BZW1: variants seen among roughly 807,000 people sequenced by gnomAD.
The protein encoded by BZW1 is eIF5-mimic protein 2.
A neutral mutation model predicts 54.1 loss-of-function variants in BZW1; 3 were observed. The observed-to-expected ratio is 0.06, with a 90% CI of 0.03 to 0.14. The LOEUF is 0.14. Ranked by LOEUF, BZW1 falls within the 10% of genes least tolerant of loss-of-function variation. The pLI is 1.00. For synonymous variants in BZW1, 152 were observed against 162.7 expected (o/e 0.93, Z 0.50); for missense variants, 206 against 491.7 (o/e 0.42, Z 5.50).
Position 200,826,410 on chromosome 2 carries a change from T to TAGATAGATAGATAGA in BZW1, c.*4232_*4233insAGATAGATAGATAGA, listed in dbSNP as rs1559318421. 3.6e-5 allele frequency: 2 copies of TAGATAGATAGATAGA among 55,950 alleles called. No homozygotes were observed. The highest frequency in any genetic ancestry group is 7.4e-4 in the East Asian group (1 of 1,358). The allele number at this position is 55,950 out of a possible 1,614,324, so 3.5% of individuals were successfully genotyped here. ...ATAGATAGATAGATAGATAGATATTTTTTTTTTTTTTTTTTTTTTTTTTTT... is the reference window on the plus strand; with the variant it reads ...ATAGATAGATAGATAGATAGATATTTAGATAGATAGATAGATTTTTTTTTTTTTTTTTTTTTTTTT... On this transcript the variant is annotated 3_prime_UTR_variant, in exon 12 of 12. Transcript: ENST00000409600.
chr2:200,819,940 T>C (rs1293121746), intron 9 of BZW1, 42 bp from the exon 10 acceptor site: 2 of 1,453,554 alleles, frequency 1.4e-6, no homozygotes, highest in African/African-American at 2.9e-5. Context: ...TGGATGGTTA[T>C]TTGTAATGAA....
In BZW1 at chr2:200,815,528, G is replaced by A. The variant is rs777716302; in HGVS notation, c.241+11G>A. 4.3e-6 allele frequency: 7 copies of A among 1,613,164 alleles called. No homozygotes were observed. Among genetic ancestry groups the A allele is most frequent in the African/African-American group, 2.7e-5 (2 of 74,892 alleles). On this transcript the variant is annotated intron_variant, in intron 3 of 11. Coordinates refer to ENST00000409600, the MANE Select transcript of BZW1 (RefSeq NM_001207067.2). ...CTGGTGGAATGCTGGGTAAGTGTCT[G>A]TGGTTTGTGGGCTTAATAATTTAGA...
At chr2:200,821,803 G>A (rs921366289) in intron 11 of BZW1, among the ~76,000 whole-genome samples, 1 of 152,180 alleles carries the variant, frequency 6.6e-6, no homozygotes, top group Non-Finnish European at 1.5e-5. Context: ...GGGTGTGGTG[G>A]CTCACGCCTG....
Position 200,823,758 on chromosome 2 carries a change from G to A in BZW1, c.*1580G>A, listed in dbSNP as rs1026946475. The stretch of plus-strand genomic sequence containing the variant: ...CAAAATGTATTCACTAGATTTCTAC[G>A]TAGTGATCTGCTTTTACTTTGTAAT... On this transcript the variant is annotated 3_prime_UTR_variant, in exon 12 of 12. Transcript: ENST00000409600. 3 of 151,774 alleles carry A rather than the reference G, an allele frequency of 2.0e-5. No homozygotes were observed. The highest frequency in any genetic ancestry group is 6.6e-5 in the Admixed American group (1 of 15,188). The allele number at this position is 151,774 out of a possible 1,614,324, so 9.4% of individuals were successfully genotyped here. A position where few individuals can be genotyped will look rare whatever the true frequency, so the allele number is the denominator to read the frequency against.
chr2:200,822,238 A>G lies in BZW1; in HGVS notation c.*60A>G, dbSNP rs2038555301. The G allele has an allele frequency of 2.8e-6, 4 of 1,435,632 alleles. No homozygotes were observed. Among genetic ancestry groups the G allele is most frequent in the South Asian group, 2.4e-5 (2 of 82,694 alleles). 88.9% of individuals were successfully genotyped at this position (1,435,632 alleles called of 1,614,324 possible). A position where few individuals can be genotyped will look rare whatever the true frequency, so the allele number is the denominator to read the frequency against. On this transcript the variant is annotated 3_prime_UTR_variant, in exon 12 of 12. Transcript: ENST00000409600. ...AGTTGTAGATAAAATGTCATGTCTC[A>G]TGTGTCCTGGTTCTTACATCTTCCT...
Position 200,812,008 on chromosome 2 carries a change from G to A in BZW1, c.-11+18G>A, listed in dbSNP as rs1423385520. 5.2e-6 allele frequency: 2 copies of A among 381,726 alleles called. No individual in the cohort carries two copies. Among genetic ancestry groups the A allele is most frequent in the Non-Finnish European group, 9.2e-6 (2 of 216,730 alleles). The allele number at this position is 381,726 out of a possible 1,614,324, so 23.6% of individuals were successfully genotyped here. ...TAAATTCGGTGAGACGCGGCGCCCC[G>A]CTCACCCCGGGCGGACGCTGCGGGT... On this transcript the variant is annotated intron_variant, in intron 1 of 11. Transcript: ENST00000409600.
chr2:200,816,628 A>G (rs1336375604), intron 5 of BZW1, among the ~76,000 whole-genome samples: 1 of 152,058 alleles, frequency 6.6e-6, no homozygotes, highest in African/African-American at 2.4e-5. Flanking sequence ...AGTAGCTGGG[A>G]TTACAGGCAT....
chr2:200,816,132 T>C (rs2038278868), intron 4 of BZW1, among the ~76,000 whole-genome samples, 193 bp from the exon 5 acceptor site: 1 of 152,230 alleles, frequency 6.6e-6, no homozygotes, highest in South Asian at 2.1e-4. Flanking sequence ...TTGGAAAGTT[T>C]CATACGTAGT....
chr2:200,820,335 C>T (rs1287067650), intron 10 of BZW1: 2 of 389,756 alleles, frequency 5.1e-6, no homozygotes, highest in Non-Finnish European at 9.2e-6. Flanking sequence ...AATCTAAAGC[C>T]ATCATTATGC....
intron 2 of BZW1, 40 bp from the exon 3 acceptor site, chr2:200,815,301 T>A (rs748078736): frequency 3.2e-6 from 5 of 1,546,870 alleles, no homozygotes; most frequent in Non-Finnish European, 4.4e-6. Flanking sequence ...TTTTGGTAAA[T>A]CTTTTAAAAC....
intron 3 of BZW1, 63 bp from the exon 4 acceptor site, chr2:200,815,604 C>A (rs2038259885): frequency 6.3e-7 from 1 of 1,590,388 alleles, no homozygotes; most frequent in African/African-American, 1.3e-5. Flanking sequence ...AACTATTTGG[C>A]AAACTTGTTA....
intron 1 of BZW1, chr2:200,812,230 G>T (rs2038092715): frequency 3.3e-6 from 4 of 1,228,560 alleles, no homozygotes; most frequent in African/African-American, 3.1e-5. Context: ...CGCTGGCTGC[G>T]AAGGCAGTGG....
chr2:200,815,893 T>C, intron 4 of BZW1, 132 bp downstream of exon 4: 1 of 875,906 alleles, frequency 1.1e-6, no homozygotes, highest in Non-Finnish European at 1.7e-6. Context: ...GATACTGTTC[T>C]TGGTGCAACG....
In BZW1 at chr2:200,816,269, A is replaced by G. The variant is rs369966913; in HGVS notation, c.337-56A>G. 15 of 1,305,472 alleles carry G rather than the reference A, an allele frequency of 1.1e-5. No individual in the cohort carries two copies. In the Admixed American group the frequency reaches 1.5e-4, roughly 13 times the overall value. 80.9% of individuals were successfully genotyped at this position (1,305,472 alleles called of 1,614,324 possible). On this transcript the variant is annotated intron_variant, in intron 4 of 11. Coordinates refer to ENST00000409600, the MANE Select transcript of BZW1 (RefSeq NM_001207067.2). ...ACTTACATCGAGTGAAAGGTTTACT[A>G]CTTTGCTATTCTAGAAATATATGAA...
intron 10 of BZW1, among the ~76,000 whole-genome samples, chr2:200,820,921 G>A (rs2038485114): frequency 6.6e-6 from 1 of 152,312 alleles, no homozygotes; most frequent in South Asian, 2.1e-4. Flanking sequence ...GTCTAAAGTG[G>A]CTAGTAAAGA....
In BZW1 at chr2:200,811,920, G is replaced by T. The variant is rs924093998; in HGVS notation, c.-81G>T. ...CCTCCTCCTGGCGTTAGTTCCGGTC[G>T]CAGAGGAGACACCGCCGCAGTTGCC... is the stretch of plus-strand genomic sequence containing the variant. On this transcript the variant is annotated 5_prime_UTR_variant, in exon 1 of 12. Transcript: ENST00000409600. The T allele has an allele frequency of 5.9e-5, 14 of 237,088 alleles. No individual in the cohort carries two copies. Among genetic ancestry groups the T allele is most frequent in the Non-Finnish European group, 1.1e-4 (14 of 123,352 alleles). 14.7% of individuals were successfully genotyped at this position (237,088 alleles called of 1,614,324 possible).
At chr2:200,812,302 T>G in intron 1 of BZW1, 1 of 1,247,866 alleles carries the variant, frequency 8.0e-7, no homozygotes, top group Non-Finnish European at 1.0e-6. Flanking sequence ...CGGCCTCTGT[T>G]GTGTGATGTA....
At position 200,826,049 on chromosome 2, in the gene BZW1, A is replaced by C. The variant is rs1359839471; in HGVS notation, c.*3871A>C. 6.6e-6 allele frequency: 1 copy of C among 152,206 alleles called. No homozygotes were observed. The highest frequency in any genetic ancestry group is 2.4e-5 in the African/African-American group (1 of 41,442). The allele number at this position is 152,206 out of a possible 1,614,324, so 9.4% of individuals were successfully genotyped here. On this transcript the variant is annotated 3_prime_UTR_variant, in exon 12 of 12. Coordinates refer to ENST00000409600, the MANE Select transcript of BZW1 (RefSeq NM_001207067.2). ...CTACAGGTTAAAATACCAGGAATAA[A>C]AAGGTTTTCAGTGGACTTGATTTAA...
chr2:200,813,870 C>T (rs941001830), intron 2 of BZW1, among the ~76,000 whole-genome samples: 4 of 152,098 alleles, frequency 2.6e-5, no homozygotes, highest in African/African-American at 9.7e-5. Context: ...GACGTAGTCT[C>T]AGATATATTT....
Sources: gnomAD v4.1 joint callset for allele counts (sites outside exome capture counted in the v4.1 genomes callset) on GRCh38, gnomAD v4.1.1 for gene constraint, MANE v1.5 for transcripts, NCBI Gene and HGNC (gene_info 2026-07-23, HGNC 2026-07-21) for gene names.